RGS12: variants seen among roughly 807,000 people sequenced by gnomAD.
RGS12 encodes regulator of G protein signaling 12.
In RGS12, 66 loss-of-function variants were observed where a neutral mutation model predicts 120.1. The observed-to-expected ratio is 0.55, with a 90% CI of 0.45 to 0.67. The LOEUF is 0.67. RGS12 is among the 30% of genes least tolerant of loss of function. RGS12 has a pLI of 0.00. For synonymous variants in RGS12, 827 were observed against 804.7 expected (o/e 1.03, Z -0.47); for missense variants, 1,859 against 1,957.7 (o/e 0.95, Z 0.95).
At chr4:3,359,687 A>G (rs1363597889) in intron 3 of RGS12, among the ~76,000 whole-genome samples, 2 of 149,544 alleles carry the variant, frequency 1.3e-5, no homozygotes, top group African/African-American at 2.5e-5. Flanking sequence ...CTGTGACACA[A>G]TCTCAGCTCA....
chr4:3,316,794 TTTCAGC>T lies in RGS12; in HGVS notation c.625_630del (p.Phe209_Ser210del). ...CAAAAGTTATTCATGATGATTCGGT[TTTCAGC>T]ATTGGACTAGAAAGTCATGACGATT... On this transcript the variant is annotated inframe_deletion, in exon 2 of 18. Coordinates refer to ENST00000336727, the MANE Select transcript of RGS12 (RefSeq NM_001394154.1). The T allele has an allele frequency of 1.2e-6, 2 of 1,614,210 alleles. No homozygotes were observed. The highest frequency in any genetic ancestry group is 2.2e-5 in the South Asian group (2 of 91,086).
intron 17 of RGS12, among the ~76,000 whole-genome samples, chr4:3,439,198 G>A (rs917643495): frequency 3.3e-4 from 50 of 152,166 alleles, no homozygotes; most frequent in African/African-American, 1.2e-3. Flanking sequence ...CAGGGTGGTA[G>A]GGTTTCTGAG....
At position 3,366,804 on chromosome 4, in the gene RGS12, AAGG is replaced by A. The variant is rs1396303596; in HGVS notation, c.1999-19608_1999-19606del. Among the ~76,000 whole-genome samples the A allele has an allele frequency of 1.2e-4, 18 of 152,118 alleles. No homozygotes were observed. Among genetic ancestry groups the A allele is most frequent in the African/African-American group, 4.3e-4 (18 of 41,416 alleles). ...AGGCCTGGGAGACAGGTGAGTCTGT[AAGG>A]AGGCCCAGAGTCAAGGAGGAGCTCT... is the stretch of plus-strand genomic sequence containing the variant. On this transcript the variant is annotated intron_variant, in intron 3 of 17. Transcript: ENST00000336727. The surrounding 1 kb of genome is among the most constrained non-coding windows in gnomAD (Gnocchi z 4.0).
chr4:3,295,080 G>A (rs546585840), intron 1 of RGS12, among the ~76,000 whole-genome samples: 11 of 152,260 alleles, frequency 7.2e-5, no homozygotes, highest in Admixed American at 3.9e-4. Context: ...AGGGTCTCGG[G>A]GAAGAAGGGG....
chr4:3,369,979 C>T (rs1054294465), intron 3 of RGS12: 9 of 1,197,066 alleles, frequency 7.5e-6, no homozygotes, highest in Non-Finnish European at 9.3e-6. Flanking sequence ...AGAAATTACC[C>T]CTGTCGGCCG....
intron 17 of RGS12, among the ~76,000 whole-genome samples, chr4:3,436,743 G>A (rs1394748469): frequency 6.6e-6 from 1 of 152,316 alleles, no homozygotes; most frequent in East Asian, 1.9e-4. Flanking sequence ...AGGCCTGGGG[G>A]CGACCGGCAG....
chr4:3,435,446 C>T (rs1204795296), intron 17 of RGS12, among the ~76,000 whole-genome samples: 4 of 152,090 alleles, frequency 2.6e-5, no homozygotes, highest in Non-Finnish European at 5.9e-5. Flanking sequence ...GGGGACACAG[C>T]CCCAGGAGCC....
At chr4:3,319,507 C>A (rs899391508) in intron 2 of RGS12, among the ~76,000 whole-genome samples, 1 of 152,164 alleles carries the variant, frequency 6.6e-6, no homozygotes, top group Non-Finnish European at 1.5e-5. Flanking sequence ...TAGCTCACTG[C>A]AGCCCCTGCT....
chr4:3,293,334 G>C (rs2110340092), intron 1 of RGS12, among the ~76,000 whole-genome samples: 1 of 145,514 alleles, frequency 6.9e-6, no homozygotes, highest in African/African-American at 2.5e-5. Flanking sequence ...GGCGGGGGCG[G>C]GCGGCGCGGG....
At chr4:3,430,988 C>T in intron 17 of RGS12, 33 bp downstream of exon 17, 3 of 1,605,690 alleles carry the variant, frequency 1.9e-6, no homozygotes, top group Non-Finnish European at 2.5e-6. Context: ...CCACCTTGGC[C>T]CCGTAAGCGT....
At chr4:3,399,292 C>A (rs1030999649) in intron 4 of RGS12, among the ~76,000 whole-genome samples, 2 of 151,778 alleles carry the variant, frequency 1.3e-5, no homozygotes, top group African/African-American at 4.8e-5. Flanking sequence ...ATAGAAAAAA[C>A]CAAACAGTAT....
chr4:3,312,413 T>C lies in RGS12; in HGVS notation c.-101-3657T>C, dbSNP rs901606300. The C allele has an allele frequency of 1.5e-5, 3 of 197,928 alleles. No homozygotes were observed. The South Asian group carries it at 2.9e-4, about 19-fold the overall frequency. 12.3% of individuals were successfully genotyped at this position (197,928 alleles called of 1,614,324 possible). A position where few individuals can be genotyped will look rare whatever the true frequency, so the allele number is the denominator to read the frequency against. On this transcript the variant is annotated intron_variant, in intron 1 of 17. Coordinates refer to ENST00000336727, the MANE Select transcript of RGS12 (RefSeq NM_001394154.1). ...ACTGGGTGTCTTCTCCTTGGCCCCTTTGCCCACGTGGTGAACACTGTGGAC... is the reference window on the plus strand; with the variant it reads ...ACTGGGTGTCTTCTCCTTGGCCCCTCTGCCCACGTGGTGAACACTGTGGAC...
At chr4:3,376,290 A>G (rs1275100453) in intron 3 of RGS12, among the ~76,000 whole-genome samples, 1 of 149,720 alleles carries the variant, frequency 6.7e-6, no homozygotes, top group Admixed American at 6.7e-5. Context: ...ACACACACAC[A>G]CACTTTAAAG....
chr4:3,359,650 T>G (rs1255470283), intron 3 of RGS12, among the ~76,000 whole-genome samples: 1 of 147,260 alleles, frequency 6.8e-6, no homozygotes, highest in Non-Finnish European at 1.5e-5. Flanking sequence ...TGAGGCAGTG[T>G]CTTACTCTTT....
chr4:3,318,143 C>T, intron 2 of RGS12, 92 bp downstream of exon 2: 1 of 1,176,584 alleles, frequency 8.5e-7, no homozygotes, highest in Non-Finnish European at 1.2e-6. Context: ...CTTGCACAGT[C>T]CTGGCTTCCT....
chr4:3,316,016 G>A (rs1390203901), intron 1 of RGS12, 54 bp from the exon 2 acceptor site: 2 of 662,854 alleles, frequency 3.0e-6, no homozygotes, highest in Admixed American at 5.7e-5. Flanking sequence ...ATACCAGTGA[G>A]TGGTGGAGAA....
At chr4:3,370,108 G>A (rs961350640) in intron 3 of RGS12, 1 of 1,380,380 alleles carries the variant, frequency 7.2e-7, no homozygotes, top group Non-Finnish European at 9.4e-7. Context: ...TGAAACCCTG[G>A]CAAGCCACAG....
chr4:3,315,084 T>C (rs1166544129), intron 1 of RGS12: 1 of 152,270 alleles, frequency 6.6e-6, no homozygotes, highest in African/African-American at 2.4e-5. Flanking sequence ...GTGACGACAC[T>C]GCACATGCGT....
intron 3 of RGS12, among the ~76,000 whole-genome samples, chr4:3,373,497 A>T (rs929987955): frequency 6.6e-6 from 1 of 152,162 alleles, no homozygotes; most frequent in African/African-American, 2.4e-5. Context: ...AGGTGTTCGC[A>T]TTTCACCGTG....
Sources: gnomAD v4.1 joint callset for allele counts (sites outside exome capture counted in the v4.1 genomes callset) on GRCh38, gnomAD v4.1.1 for gene constraint, Gnocchi (gnomAD v3.1) non-coding constraint, MANE v1.5 for transcripts, NCBI Gene and HGNC (gene_info 2026-07-23, HGNC 2026-07-21) for gene names.